The following CEP192 variants were observed in gnomAD, a reference collection of about 807,000 sequenced individuals.
The protein encoded by CEP192 is centrosomal protein of 192 kDa.
In CEP192, 151 loss-of-function variants were observed where a neutral mutation model predicts 271.8. The ratio of observed to expected loss-of-function variants is 0.56; its 90% CI spans 0.49 to 0.64. CEP192 has a LOEUF of 0.64. Ranked by LOEUF, CEP192 falls within the 30% of genes least tolerant of loss-of-function variation. The pLI is 0.00. For synonymous variants in CEP192, 995 were observed against 1,076.5 expected (o/e 0.92, Z 1.48); for missense variants, 2,910 against 3,020.5 (o/e 0.96, Z 0.86).
chr18:13,035,320 AC>A (rs1232318296), intron 11 of CEP192, among the ~76,000 whole-genome samples: 1 of 152,260 alleles, frequency 6.6e-6, no homozygotes, highest in Non-Finnish European at 1.5e-5. Flanking sequence ...GAAACTGGGA[AC>A]AAAAAGAGGT....
chr18:13,026,609 A>G (rs1300294594), intron 9 of CEP192, among the ~76,000 whole-genome samples: 1 of 152,132 alleles, frequency 6.6e-6, no homozygotes, highest in African/African-American at 2.4e-5. Context: ...ATTCAGTTTT[A>G]GAAGTCCATT....
Position 13,069,849 on chromosome 18 carries a change from G to C in CEP192, c.5167G>C (p.Glu1723Gln). ...SFTPKDPEAC[E>Q]ERILKIFVQP... is the part of the protein sequence containing the mutation. ...TACTCCAAAGGATCCTGAAGCCTGC[G>C]AGGAAAGGTAATATAAAAATGTTAT... Residue 1723 changes from glutamate to glutamine, a missense_variant, in exon 27 of 45, where the codon GAG becomes CAG. Coordinates refer to ENST00000506447, the MANE Select transcript of CEP192 (RefSeq NM_032142.4). The C allele has an allele frequency of 6.4e-7, 1 of 1,564,334 alleles. No individual in the cohort carries two copies. Among genetic ancestry groups the C allele is most frequent in the South Asian group, 1.1e-5 (1 of 89,956 alleles).
chr18:13,008,057 C>T (rs188508484), intron 3 of CEP192, among the ~76,000 whole-genome samples: 10 of 152,292 alleles, frequency 6.6e-5, no homozygotes, highest in Admixed American at 2.6e-4. Context: ...AAAGTAAAAA[C>T]GATTGAAACC....
At position 13,069,174 on chromosome 18, in the gene CEP192, A is replaced by G. The variant is rs192524339; in HGVS notation, c.5048A>G (p.Asp1683Gly). 2 of 1,613,232 alleles carry G rather than the reference A, an allele frequency of 1.2e-6. No homozygotes were observed. Among genetic ancestry groups the G allele is most frequent in the East Asian group, 2.2e-5 (1 of 44,890 alleles). Reference sequence around the variant, plus strand: ...GCTGGGAACATTGAAGTTTATTTGGATATCAAGGTATGCACTTCCATGAGA... The same window carrying G: ...GCTGGGAACATTGAAGTTTATTTGGGTATCAAGGTATGCACTTCCATGAGA... ...KNAGNIEVYL[D>G]IKVPEQGSHF... Residue 1683 changes from aspartate (D) to glycine (G), a missense_variant, in exon 26 of 45, where the codon GAT becomes GGT. Physicochemically the swap from Asp to Gly is moderately conservative, Grantham distance 94. Coordinates refer to ENST00000506447, the MANE Select transcript of CEP192 (RefSeq NM_032142.4).
At chr18:12,995,642 A>G (rs987414823) in intron 1 of CEP192, among the ~76,000 whole-genome samples, 2 of 152,196 alleles carry the variant, frequency 1.3e-5, no homozygotes, top group Non-Finnish European at 2.9e-5. Context: ...GTGGGGAGAA[A>G]AAGAGATAAC....
chr18:13,065,920 T>G (rs530833062), intron 21 of CEP192, among the ~76,000 whole-genome samples: 1 of 152,334 alleles, frequency 6.6e-6, no homozygotes, highest in African/African-American at 2.4e-5. Flanking sequence ...GACATGTTTC[T>G]TTTATGTTAA....
At chr18:13,032,138 A>G (rs1421171913) in intron 11 of CEP192, among the ~76,000 whole-genome samples, 1 of 152,156 alleles carries the variant, frequency 6.6e-6, no homozygotes, top group Non-Finnish European at 1.5e-5. Context: ...CCTGGTAGTT[A>G]GGGTTGTTTG....
In CEP192 at chr18:13,068,202, G is replaced by A; in HGVS notation, c.4723G>A (p.Val1575Ile). 6.2e-7 allele frequency: 1 copy of A among 1,614,238 alleles called. No individual in the cohort carries two copies. Among genetic ancestry groups the A allele is most frequent in the South Asian group, 1.1e-5 (1 of 91,086 alleles). The change falls in exon 23 of 45, where the codon GTC becomes ATC. Residue 1575 changes from valine (V) to isoleucine (I), a missense_variant. Coordinates refer to ENST00000506447, the MANE Select transcript of CEP192 (RefSeq NM_032142.4). ...CACTCGGCTAGCAGGCCCTTCTGTGGTCAACCACATGATGCCTGCTAGTTA... is the reference window on the plus strand; with the variant it reads ...CACTCGGCTAGCAGGCCCTTCTGTGATCAACCACATGATGCCTGCTAGTTA... ...VVTRLAGPSV[V>I]NHMMPASYDG... is the part of the protein sequence containing the mutation.
Position 13,124,994 on chromosome 18 carries a change from G to T in CEP192, c.*224G>T. On this transcript the variant is annotated 3_prime_UTR_variant, in exon 45 of 45. Coordinates refer to ENST00000506447, the MANE Select transcript of CEP192 (RefSeq NM_032142.4). ...CAGGTGAGAAGAGAGTTCTGTGTTT[G>T]CATTGATTATGATATTCTGAATAAA... 2.7e-6 allele frequency: 1 copy of T among 374,246 alleles called. No individual in the cohort carries two copies. The allele number at this position is 374,246 out of a possible 1,614,324, so 23.2% of individuals were successfully genotyped here. A position where few individuals can be genotyped will look rare whatever the true frequency, so the allele number is the denominator to read the frequency against.
chr18:13,098,545 C>T (rs368088300), intron 36 of CEP192, among the ~76,000 whole-genome samples: 7 of 145,312 alleles, frequency 4.8e-5, no homozygotes, highest in South Asian at 2.2e-4. Context: ...CCAGACTGGG[C>T]GGCGGGGCAG....
chr18:13,042,573 C>T (rs968433385), intron 15 of CEP192, among the ~76,000 whole-genome samples: 2 of 152,172 alleles, frequency 1.3e-5, no homozygotes, highest in Non-Finnish European at 2.9e-5. Context: ...ACAAGTCATA[C>T]ACTTGTGTAT....
chr18:13,099,519 A>C lies in CEP192; in HGVS notation c.6601A>C (p.Thr2201Pro). The change falls in exon 37 of 45, where the codon ACA becomes CCA. Residue 2201 changes from threonine (T) to proline (P), a missense_variant. Thr to Pro is a conservative substitution (Grantham distance 38). Transcript: ENST00000506447. Reference sequence around the variant, plus strand: ...TGTGAGTCCTAATTCCTCCTTATCCACAAAACAGTCAATGTTCCCGTGGAG... The same window carrying C: ...TGTGAGTCCTAATTCCTCCTTATCCCCAAAACAGTCAATGTTCCCGTGGAG... ...ILVSPNSSLS[T>P]KQSMFPWSGL... The C allele has an allele frequency of 6.2e-7, 1 of 1,603,962 alleles. No homozygotes were observed. Among genetic ancestry groups the C allele is most frequent in the Non-Finnish European group, 8.5e-7 (1 of 1,175,384 alleles).
intron 42 of CEP192, among the ~76,000 whole-genome samples, chr18:13,115,706 C>A (rs2040397960): frequency 1.3e-5 from 2 of 152,136 alleles, no homozygotes; most frequent in Non-Finnish European, 2.9e-5. Flanking sequence ...CTCCCAGATA[C>A]CATTCAGCAA....
At chr18:13,089,375 A>G (rs1598569382) in intron 32 of CEP192, 81 bp from the exon 33 acceptor site, 2 of 657,332 alleles carry the variant, frequency 3.0e-6, no homozygotes, top group East Asian at 5.7e-5. Context: ...GGATTTGCCA[A>G]ATGCATTAGT....
At chr18:13,117,789 A>G in intron 44 of CEP192, 146 bp downstream of exon 44, 1 of 583,646 alleles carries the variant, frequency 1.7e-6, no homozygotes, top group Non-Finnish European at 3.0e-6. Context: ...CTCCGCAAGT[A>G]GAAGCAGAGA....
At chr18:13,110,115 ATTCT>A (rs1259780315) in intron 40 of CEP192, among the ~76,000 whole-genome samples, 1 of 152,218 alleles carries the variant, frequency 6.6e-6, no homozygotes, top group African/African-American at 2.4e-5. Context: ...TTCTTTGTTC[ATTCT>A]AAGATTTAGT....
intron 38 of CEP192, among the ~76,000 whole-genome samples, chr18:13,101,934 C>T (rs991086714): frequency 4.6e-5 from 7 of 152,142 alleles, no homozygotes; most frequent in Admixed American, 3.9e-4. Context: ...CCATGACTGC[C>T]GGGTGTTCCT....
At chr18:13,088,828 G>A (rs2039011387) in intron 32 of CEP192, 1 of 424,564 alleles carries the variant, frequency 2.4e-6, no homozygotes, top group African/African-American at 2.1e-5. Context: ...CAAATACAAA[G>A]CTTGCCTTTG....
chr18:13,094,425 T>C (rs934706430), intron 34 of CEP192, among the ~76,000 whole-genome samples: 4 of 152,238 alleles, frequency 2.6e-5, no homozygotes, highest in Non-Finnish European at 2.9e-5. Context: ...TTCACTGATA[T>C]TGGAGTGGAC....
Sources: gnomAD v4.1 joint callset for allele counts (sites outside exome capture counted in the v4.1 genomes callset) on GRCh38, gnomAD v4.1.1 for gene constraint, MANE v1.5 for transcripts, NCBI Gene and HGNC (gene_info 2026-07-23, HGNC 2026-07-21) for gene names.